PLXNC1: variants seen among roughly 807,000 people sequenced by gnomAD.
PLXNC1 encodes plexin-C1.
Under a neutral mutation model 178.2 loss-of-function variants are expected in PLXNC1, and 75 were observed. The observed-to-expected ratio is 0.42, with a 90% confidence interval of 0.35 to 0.51. The LOEUF (loss-of-function observed/expected upper bound fraction) is 0.51, where lower values mean the gene tolerates loss of function less well. PLXNC1 is among the 20% of genes least tolerant of loss of function. The pLI, the probability that PLXNC1 is intolerant of heterozygous loss-of-function variation, is 0.02. For missense variants in PLXNC1, 1,503 were observed against 1,984.4 expected (o/e 0.76, Z 4.61); for synonymous variants, 790 against 779.9 (o/e 1.01, Z -0.22).
intron 4 of PLXNC1, among the ~76,000 whole-genome samples, chr12:94,197,095 G>T (rs1335494541): frequency 2.6e-5 from 4 of 152,154 alleles, no homozygotes; most frequent in Non-Finnish European, 5.9e-5. Flanking sequence ...GTCCCTTCCT[G>T]CATCTTCAAA....
chr12:94,297,535 A>T, intron 26 of PLXNC1, 112 bp downstream of exon 26: 1 of 723,474 alleles, frequency 1.4e-6, no homozygotes, highest in Non-Finnish European at 2.4e-6. Context: ...GCCTTCTAGC[A>T]AAGCAAAATG....
At chr12:94,246,153 G>T (rs1450938438) in intron 12 of PLXNC1, among the ~76,000 whole-genome samples, 2 of 152,232 alleles carry the variant, frequency 1.3e-5, no homozygotes, top group Non-Finnish European at 2.9e-5. Context: ...TGTTGCCGCT[G>T]AATCACTCTT....
rs1966296905 is a variant in PLXNC1, at chr12:94,279,760, C to T, written c.3775+111C>T. 4 of 955,070 alleles carry T rather than the reference C, an allele frequency of 4.2e-6. No individual in the cohort carries two copies. In the East Asian group the frequency reaches 1.0e-4, roughly 24 times the overall value. 59.2% of individuals were successfully genotyped at this position (955,070 alleles called of 1,614,324 possible). A position where few individuals can be genotyped will look rare whatever the true frequency, so the allele number is the denominator to read the frequency against. Reference sequence around the variant, plus strand: ...CCCCACCAGCTTCCATTCAGTGACACTTACACAGCCAGGTTGTTCCTGGAG... The same window carrying T: ...CCCCACCAGCTTCCATTCAGTGACATTTACACAGCCAGGTTGTTCCTGGAG... On this transcript the variant is annotated intron_variant, in intron 22 of 30. Coordinates refer to ENST00000258526, the MANE Select transcript of PLXNC1 (RefSeq NM_005761.3).
At chr12:94,187,431 G>A (rs1962558321) in intron 4 of PLXNC1, among the ~76,000 whole-genome samples, 1 of 152,124 alleles carries the variant, frequency 6.6e-6, no homozygotes, top group African/African-American at 2.4e-5. Context: ...TCAAAAATAC[G>A]GGGATGGAAT....
chr12:94,275,103 G>A (rs974257135), intron 21 of PLXNC1, among the ~76,000 whole-genome samples: 6 of 152,136 alleles, frequency 3.9e-5, no homozygotes, highest in African/African-American at 7.2e-5. Context: ...CAGGTGGCCC[G>A]GTGCTGGGCC....
At chr12:94,247,501 C>T (rs1964561939) in intron 12 of PLXNC1, among the ~76,000 whole-genome samples, 1 of 152,138 alleles carries the variant, frequency 6.6e-6, no homozygotes, top group Admixed American at 6.5e-5. Context: ...TTTCCCAGGG[C>T]TCAGACAGGC....
chr12:94,227,390 T>A, intron 9 of PLXNC1, 155 bp downstream of exon 9: 1 of 557,774 alleles, frequency 1.8e-6, no homozygotes, highest in Non-Finnish European at 3.2e-6. Context: ...AAGTTTCACT[T>A]AATTAGCGCA....
intron 4 of PLXNC1, among the ~76,000 whole-genome samples, chr12:94,196,719 G>A (rs1429327480): frequency 4.6e-5 from 7 of 152,172 alleles, no homozygotes; most frequent in Non-Finnish European, 1.0e-4. Flanking sequence ...GTCCAGGCCT[G>A]GCCAGGAGAC....
chr12:94,209,474 G>C, intron 4 of PLXNC1, 116 bp from the exon 5 acceptor site: 1 of 682,084 alleles, frequency 1.5e-6, no homozygotes, highest in South Asian at 1.7e-5. Flanking sequence ...ACTGTACAAG[G>C]TCTGGCATTT....
chr12:94,232,023 C>T (rs1964116782), intron 9 of PLXNC1, among the ~76,000 whole-genome samples: 1 of 152,168 alleles, frequency 6.6e-6, no homozygotes, highest in East Asian at 1.9e-4. Context: ...AAAGTCATAT[C>T]CCCTGGCAAT....
At chr12:94,252,657 A>G (rs76303335) in intron 15 of PLXNC1, among the ~76,000 whole-genome samples, 1 of 152,234 alleles carries the variant, frequency 6.6e-6, no homozygotes, top group Non-Finnish European at 1.5e-5. Flanking sequence ...AATGTGAAAG[A>G]TTTGGATCAT....
At chr12:94,273,938 G>A (rs11107493) in intron 21 of PLXNC1, among the ~76,000 whole-genome samples, 6,768 of 151,972 alleles carry the variant, frequency 0.045, 241 homozygotes, top group African/African-American at 0.093. Flanking sequence ...AGAGCTCTGC[G>A]TCACCATCTC....
intron 14 of PLXNC1, among the ~76,000 whole-genome samples, chr12:94,249,233 A>G (rs1964611122): frequency 1.3e-5 from 2 of 151,986 alleles, no homozygotes; most frequent in Non-Finnish European, 2.9e-5. Flanking sequence ...GGTTAATAAT[A>G]AGTTTTATTT....
chr12:94,152,688 G>A (rs1401528608), intron 1 of PLXNC1, among the ~76,000 whole-genome samples: 1 of 152,240 alleles, frequency 6.6e-6, no homozygotes, highest in Non-Finnish European at 1.5e-5. Context: ...CAGGCTGCAA[G>A]GCACAAGCGG....
chr12:94,270,434 G>C (rs1965501036), intron 21 of PLXNC1, among the ~76,000 whole-genome samples: 1 of 152,126 alleles, frequency 6.6e-6, no homozygotes. Context: ...TCTAGAGCTT[G>C]ACATAGTAGA....
At chr12:94,251,385 C>T (rs750590776) in intron 14 of PLXNC1, 41 bp from the exon 15 acceptor site, 1 of 1,163,246 alleles carries the variant, frequency 8.6e-7, no homozygotes, top group South Asian at 1.2e-5. Flanking sequence ...AAATACAGTC[C>T]CCAACTCAAT....
At chr12:94,285,412 G>T (rs1235336606) in intron 23 of PLXNC1, among the ~76,000 whole-genome samples, 1 of 152,168 alleles carries the variant, frequency 6.6e-6, no homozygotes, top group Non-Finnish European at 1.5e-5. Flanking sequence ...GGTTGCGTTG[G>T]GTGATGACTG....
chr12:94,273,757 C>T (rs879003990), intron 21 of PLXNC1, among the ~76,000 whole-genome samples: 2 of 152,140 alleles, frequency 1.3e-5, no homozygotes, highest in South Asian at 2.1e-4. Context: ...CATCAATAGA[C>T]GAATCTACCT....
At chr12:94,283,064 A>G (rs1190417487) in intron 23 of PLXNC1, among the ~76,000 whole-genome samples, 4 of 152,188 alleles carry the variant, frequency 2.6e-5, no homozygotes, top group Non-Finnish European at 4.4e-5. Flanking sequence ...TTTGTTGAAT[A>G]TCCACTCTGA....
Sources: gnomAD v4.1 joint callset for allele counts (sites outside exome capture counted in the v4.1 genomes callset) on GRCh38, gnomAD v4.1.1 for gene constraint, MANE v1.5 for transcripts, NCBI Gene and HGNC (gene_info 2026-07-23, HGNC 2026-07-21) for gene names.